G3BP2: variants seen among roughly 807,000 people sequenced by gnomAD.
G3BP2 encodes ras GTPase-activating protein-binding protein 2.
G3BP2 carries 11 observed loss-of-function variants against 56.7 expected under a neutral mutation model. The observed-to-expected ratio is 0.19, with a 90% CI of 0.12 to 0.32. The LOEUF is 0.32. Among genes scored for constraint, G3BP2 ranks in the 10% least tolerant of loss-of-function variants. The pLI, the probability that G3BP2 is intolerant of heterozygous loss-of-function variation, is 1.00. For missense variants in G3BP2, 340 were observed against 610.9 expected, an observed-to-expected ratio of 0.56 and a Z score of 4.67; for synonymous variants, 165 against 191.6, an observed-to-expected ratio of 0.86 and a Z score of 1.15.
chr4:75,669,457 CAA>C (rs1446244876), intron 1 of G3BP2, among the ~76,000 whole-genome samples: 1 of 152,132 alleles, frequency 6.6e-6, no homozygotes, highest in South Asian at 2.1e-4. Flanking sequence ...TTTTATTCTT[CAA>C]AAGTCTTTCA....
intron 3 of G3BP2, among the ~76,000 whole-genome samples, chr4:75,689,635 A>G (rs1255881474): frequency 6.6e-6 from 1 of 152,226 alleles, no homozygotes; most frequent in South Asian, 2.1e-4. Context: ...AAATTCCCAA[A>G]CAAATCCTTC....
At chr4:75,707,910 C>T (rs1245510650) in intron 3 of G3BP2, among the ~76,000 whole-genome samples, 1 of 152,110 alleles carries the variant, frequency 6.6e-6, no homozygotes, top group Non-Finnish European at 1.5e-5. Context: ...TTTTAAACTA[C>T]TGTTACTACA....
intron 3 of G3BP2, among the ~76,000 whole-genome samples, chr4:75,711,584 G>A (rs577065769): frequency 2.6e-5 from 4 of 152,032 alleles, no homozygotes; most frequent in Middle Eastern, 3.4e-3. Context: ...ATGGTGGTGC[G>A]TGCCTGTAAT....
At chr4:75,723,545 T>C (rs1019177344) in intron 1 of G3BP2, among the ~76,000 whole-genome samples, 4 of 152,196 alleles carry the variant, frequency 2.6e-5, no homozygotes, top group Admixed American at 2.6e-4. Context: ...TGACTATTGA[T>C]TGGACATGTG....
At position 75,643,800 on chromosome 4, in the gene G3BP2, A is replaced by G. The variant is rs1731036989; in HGVS notation, c.*1630T>C. On this transcript the variant is annotated 3_prime_UTR_variant, in exon 12 of 12. Transcript: ENST00000359707. Reference sequence around the variant, plus strand: ...CAGCTTTAAGTGGTCACACTTATTTACCCCACTCCTGCCTGAAACATCAGA... The same window carrying G: ...CAGCTTTAAGTGGTCACACTTATTTGCCCCACTCCTGCCTGAAACATCAGA... The G allele has an allele frequency of 6.6e-6, 1 of 152,576 alleles. No individual in the cohort carries two copies. Among genetic ancestry groups the G allele is most frequent in the African/African-American group, 2.4e-5 (1 of 41,446 alleles). 9.5% of individuals were successfully genotyped at this position (152,576 alleles called of 1,614,324 possible).
At chr4:75,694,578 T>C (rs913441647) in intron 3 of G3BP2, among the ~76,000 whole-genome samples, 2 of 152,218 alleles carry the variant, frequency 1.3e-5, no homozygotes, top group Non-Finnish European at 2.9e-5. Flanking sequence ...CACTCCAGCC[T>C]GGACGACAGG....
intron 1 of G3BP2, among the ~76,000 whole-genome samples, chr4:75,662,816 C>G (rs1732674706): frequency 6.6e-6 from 1 of 152,196 alleles, no homozygotes; most frequent in Non-Finnish European, 1.5e-5. Flanking sequence ...AAATCTACTA[C>G]ATTCCTGGAT....
intron 3 of G3BP2, among the ~76,000 whole-genome samples, chr4:75,706,237 G>A (rs1365825673): frequency 6.6e-6 from 1 of 152,166 alleles, no homozygotes; most frequent in Admixed American, 6.6e-5. Flanking sequence ...GCAGCATTGT[G>A]TTTTTGTTTT....
intron 5 of G3BP2, among the ~76,000 whole-genome samples, 169 bp from the exon 6 acceptor site, chr4:75,656,039 G>A (rs1359963874): frequency 6.7e-6 from 1 of 148,158 alleles, no homozygotes; most frequent in Admixed American, 6.8e-5. Context: ...TGCCCAGGCT[G>A]GAGTGCAGTG....
chr4:75,648,786 G>A lies in G3BP2; in HGVS notation c.826-45C>T, dbSNP rs751366483. 13 of 1,188,868 alleles carry A rather than the reference G, an allele frequency of 1.1e-5. No individual in the cohort carries two copies. The Admixed American group carries it at 2.2e-4, about 20-fold the overall frequency. 73.6% of individuals were successfully genotyped at this position (1,188,868 alleles called of 1,614,324 possible). A position where few individuals can be genotyped will look rare whatever the true frequency, so the allele number is the denominator to read the frequency against. ...AAACATTATAAAAAACACTCCACTG[G>A]AGAAAAACCAACCAAAGCACCTAAC... On this transcript the variant is annotated intron_variant, in intron 8 of 11. Transcript: ENST00000359707.
At chr4:75,656,274 G>A (rs6531815) in intron 5 of G3BP2, among the ~76,000 whole-genome samples, 58,213 of 151,260 alleles carry the variant, frequency 0.38, 11,947 homozygotes, top group African/African-American at 0.51. Flanking sequence ...TTCCGGGCAT[G>A]AGCCACCGCG....
intron 3 of G3BP2, among the ~76,000 whole-genome samples, chr4:75,711,187 C>T (rs929672931): frequency 2.7e-5 from 4 of 150,922 alleles, no homozygotes; most frequent in African/African-American, 4.9e-5. Flanking sequence ...GGCATGATGG[C>T]GGGTGCCTGT....
intron 3 of G3BP2, chr4:75,694,765 C>T (rs950196721): frequency 9.1e-6 from 9 of 986,936 alleles, no homozygotes; most frequent in Non-Finnish European, 1.1e-5. Flanking sequence ...AACAAACAAA[C>T]AAACAAAAAA....
At chr4:75,662,084 G>C in intron 1 of G3BP2, 35 bp from the exon 2 acceptor site, 4 of 1,120,280 alleles carry the variant, frequency 3.6e-6, no homozygotes, top group Non-Finnish European at 5.3e-6. Context: ...CTATTAAAAA[G>C]TCATCTTTGT....
chr4:75,696,044 T>A (rs2149088311), intron 3 of G3BP2, among the ~76,000 whole-genome samples: 2 of 149,830 alleles, frequency 1.3e-5, no homozygotes, highest in Admixed American at 1.3e-4. Context: ...ATCCTACAGC[T>A]TCACAGAAGC....
Position 75,657,158 on chromosome 4 carries a change from G to A in G3BP2, c.352-144C>T, listed in dbSNP as rs1732178599. ...TTTCCAATGCTGAACATGCTATGAT[G>A]TTTATATAAAATAAAAAGGTCACTC... On this transcript the variant is annotated intron_variant, in intron 4 of 11. Transcript: ENST00000359707. 4 of 528,692 alleles carry A rather than the reference G, an allele frequency of 7.6e-6. No individual in the cohort carries two copies. In the South Asian group the frequency reaches 1.1e-4, roughly 15 times the overall value. 32.8% of individuals were successfully genotyped at this position (528,692 alleles called of 1,614,324 possible). A position where few individuals can be genotyped will look rare whatever the true frequency, so the allele number is the denominator to read the frequency against.
chr4:75,677,114 T>G (rs1177086572), upstream of G3BP2, among the ~76,000 whole-genome samples: 2 of 152,216 alleles, frequency 1.3e-5, no homozygotes, highest in Admixed American at 1.3e-4. Flanking sequence ...ATTATAAACT[T>G]CAGCATAAAA....
chr4:75,701,592 C>A (rs1435932131), intron 3 of G3BP2, among the ~76,000 whole-genome samples: 2 of 152,022 alleles, frequency 1.3e-5, no homozygotes, highest in Non-Finnish European at 2.9e-5. Context: ...CCATGCCCGG[C>A]TAATTTTGTA....
intron 5 of G3BP2, among the ~76,000 whole-genome samples, chr4:75,656,124 G>A (rs943842423): frequency 6.6e-6 from 1 of 151,268 alleles, no homozygotes; most frequent in Non-Finnish European, 1.5e-5. Flanking sequence ...TTGAGTAGCT[G>A]GGGTTATAGG....
Sources: gnomAD v4.1 joint callset for allele counts (sites outside exome capture counted in the v4.1 genomes callset) on GRCh38, gnomAD v4.1.1 for gene constraint, MANE v1.5 for transcripts, NCBI Gene and HGNC (gene_info 2026-07-23, HGNC 2026-07-21) for gene names.